API5: variants seen among roughly 807,000 people sequenced by gnomAD.
API5 encodes the protein FIF.
API5 carries 6 observed loss-of-function variants against 71.9 expected under a neutral mutation model. The observed-to-expected ratio is 0.08, with a 90% CI of 0.05 to 0.16. The LOEUF is 0.16. Among genes scored for constraint, API5 ranks in the 10% least tolerant of loss-of-function variants. API5 has a pLI of 1.00. For synonymous variants in API5, 189 were observed against 221.3 expected (o/e 0.85, Z 1.30); for missense variants, 332 against 612.8 (o/e 0.54, Z 4.84).
chr11:43,342,180 C>CTTTG (rs1855640065), intron 13 of API5, among the ~76,000 whole-genome samples: 1 of 152,152 alleles, frequency 6.6e-6, no homozygotes, highest in South Asian at 2.1e-4. Flanking sequence ...CTTGAAACAA[C>CTTTG]TTTGTTACTG....
intron 11 of API5, among the ~76,000 whole-genome samples, chr11:43,332,316 G>A (rs1052271403): frequency 2.0e-5 from 3 of 152,158 alleles, no homozygotes; most frequent in African/African-American, 7.2e-5. Context: ...CCTAGAGGTA[G>A]CATCAGATTC....
At chr11:43,331,587 G>A (rs1855258986) in intron 11 of API5, among the ~76,000 whole-genome samples, 1 of 152,122 alleles carries the variant, frequency 6.6e-6, no homozygotes, top group Admixed American at 6.6e-5. Context: ...AAAGAGGAGG[G>A]GTTGGTCTTG....
intron 7 of API5, 98 bp from the exon 8 acceptor site, chr11:43,327,689 CAT>C: frequency 1.2e-6 from 1 of 817,914 alleles, no homozygotes; most frequent in South Asian, 2.0e-5. Context: ...TCTGTGAAAA[CAT>C]AATTGAAAAT....
intron 11 of API5, among the ~76,000 whole-genome samples, chr11:43,332,972 TAA>T (rs1296080771): frequency 6.6e-6 from 1 of 152,180 alleles, no homozygotes. Context: ...TTCTTAAAAA[TAA>T]AAGATTGTCT....
Position 43,323,482 on chromosome 11 carries a change from C to A in API5, c.596C>A (p.Ser199Tyr). 6.2e-7 allele frequency: 1 copy of A among 1,614,096 alleles called. No individual in the cohort carries two copies. The highest frequency in any genetic ancestry group is 8.5e-7 in the Non-Finnish European group (1 of 1,179,988). Residue 199 changes from serine to tyrosine, a missense_variant, in exon 6 of 14, where the codon TCT becomes TAT. Around this residue, in one of 3 missense-constraint regions of API5, gnomAD observed 127 missense variants for 237.6 expected, o/e 0.53. Transcript: ENST00000531273. Reference protein sequence around the residue: ...EEFVLFMKILSGLKSLQTVSG... With the variant: ...EEFVLFMKILYGLKSLQTVSG... ...TTTGTTCTATTTATGAAGATACTGT[C>A]TGGGTTAAAAAGCTTACAGACAGTG... is the stretch of plus-strand genomic sequence containing the variant.
At chr11:43,330,371 G>T in intron 10 of API5, 137 bp from the exon 11 acceptor site, 2 of 740,316 alleles carry the variant, frequency 2.7e-6, no homozygotes, top group African/African-American at 1.8e-5. Context: ...ATTATCTATA[G>T]ATTTAAACCA....
At chr11:43,328,154 ATAAGCATTAGGTCC>A (rs1174044950) in intron 8 of API5, among the ~76,000 whole-genome samples, 1 of 152,208 alleles carries the variant, frequency 6.6e-6, no homozygotes, top group Non-Finnish European at 1.5e-5. Flanking sequence ...TAACACAGTG[ATAAGCATTAGGTCC>A]TTAGCATGAA....
intron 3 of API5, 65 bp downstream of exon 3, chr11:43,320,979 T>A: frequency 7.2e-7 from 1 of 1,387,084 alleles, no homozygotes; most frequent in South Asian, 1.2e-5. Flanking sequence ...GTTGACTCTG[T>A]TTTTAGGTTT....
intron 7 of API5, 113 bp downstream of exon 7, chr11:43,326,724 G>A: frequency 1.6e-6 from 1 of 635,206 alleles, no homozygotes; most frequent in Non-Finnish European, 2.8e-6. Context: ...GTCTGGTAAT[G>A]GCCAGCCAGT....
At chr11:43,331,160 T>C (rs1855240346) in intron 11 of API5, 1 of 152,748 alleles carries the variant, frequency 6.5e-6, no homozygotes, top group African/African-American at 2.4e-5. Flanking sequence ...TTAAAGCTAA[T>C]GTAAAAATGA....
At chr11:43,333,987 T>G (rs1317265725) in intron 11 of API5, among the ~76,000 whole-genome samples, 2 of 152,232 alleles carry the variant, frequency 1.3e-5, no homozygotes, top group African/African-American at 2.4e-5. Context: ...TTTTAGAATT[T>G]TATGCAGTTT....
intron 1 of API5, among the ~76,000 whole-genome samples, chr11:43,314,743 T>C (rs1322618039): frequency 3.3e-5 from 5 of 152,240 alleles, no homozygotes; most frequent in African/African-American, 7.2e-5. Context: ...ATATTGTGAA[T>C]TGTAGGAAAA....
rs753532024 is a variant in API5 at position 43,326,495 on chromosome 11, G to A, written c.751-12G>A. ...GTTTTTCGACAATGCATTTTCTTTGGATTTCTTACAGAAAAATGTCCATTC... is the reference window on the plus strand; with the variant it reads ...GTTTTTCGACAATGCATTTTCTTTGAATTTCTTACAGAAAAATGTCCATTC... On this transcript the variant is annotated splice_polypyrimidine_tract_variant and intron_variant, in intron 6 of 13. Coordinates refer to ENST00000531273, the MANE Select transcript of API5 (RefSeq NM_001142930.2). 6.4e-7 allele frequency: 1 copy of A among 1,553,074 alleles called. No homozygotes were observed. Among genetic ancestry groups the A allele is most frequent in the South Asian group, 1.2e-5 (1 of 86,646 alleles).
At chr11:43,323,717 C>T in intron 6 of API5, 81 bp downstream of exon 6, 1 of 1,340,046 alleles carries the variant, frequency 7.5e-7, no homozygotes, top group Non-Finnish European at 1.0e-6. Flanking sequence ...CCCCTTAAAC[C>T]TTTCCAGTAG....
Position 43,322,604 on chromosome 11 carries a change from C to T in API5, c.543+468C>T, listed in dbSNP as rs566915210. ...TCCCAGCATCTAGCATAGTTGTAGACGCTAAGATTGGCAAGGTGCGTCACA... is the reference window on the plus strand; with the variant it reads ...TCCCAGCATCTAGCATAGTTGTAGATGCTAAGATTGGCAAGGTGCGTCACA... On this transcript the variant is annotated intron_variant, in intron 5 of 13. Transcript: ENST00000531273. Among the ~76,000 whole-genome samples, 4 of 152,292 alleles carry T rather than the reference C, an allele frequency of 2.6e-5. No individual in the cohort carries two copies. In the South Asian group the frequency reaches 6.2e-4, roughly 24 times the overall value.
chr11:43,322,202 ATTCGT>A, intron 5 of API5, 66 bp downstream of exon 5: 1 of 1,436,446 alleles, frequency 7.0e-7, no homozygotes, highest in Non-Finnish European at 9.4e-7. Flanking sequence ...CATTGGCAGT[ATTCGT>A]CAATGTTATG....
chr11:43,323,587 G>A lies in API5; in HGVS notation c.701G>A (p.Cys234Tyr), dbSNP rs766370031. 17 of 1,614,078 alleles carry A rather than the reference G, an allele frequency of 1.1e-5. No individual in the cohort carries two copies. Among genetic ancestry groups the A allele is most frequent in the Non-Finnish European group, 1.4e-5 (16 of 1,179,972 alleles). ...ACCTTCAATCCCTCGGATCCTGACT[G>A]TGTGGACAGGCTCTTACAGTGCACT... is the stretch of plus-strand genomic sequence containing the variant. ...EQTFNPSDPDCVDRLLQCTRQ... is the reference protein window; with the variant it reads ...EQTFNPSDPDYVDRLLQCTRQ... Residue 234 changes from cysteine (C) to tyrosine (Y), a missense_variant, in exon 6 of 14, where the codon TGT (cysteine) becomes TAT (tyrosine). By Grantham distance (194) the Cys-to-Tyr change is radical. Around this residue, in one of 3 missense-constraint regions of API5, gnomAD observed 168 missense variants for 343.9 expected, o/e 0.49. Transcript: ENST00000531273.
At chr11:43,335,756 C>T (rs965331537) in intron 12 of API5, 102 bp from the exon 13 acceptor site, 178 of 1,281,596 alleles carry the variant, frequency 1.4e-4, no homozygotes, top group Non-Finnish European at 1.8e-4. Flanking sequence ...AGATTATCCT[C>T]TTTAGGATGT....
Position 43,343,752 on chromosome 11 carries a change from C to A in API5, c.*1242C>A, listed in dbSNP as rs1590280602. The A allele has an allele frequency of 6.6e-6, 1 of 152,558 alleles. No individual in the cohort carries two copies. The highest frequency in any genetic ancestry group is 2.4e-5 in the African/African-American group (1 of 41,420). 9.5% of individuals were successfully genotyped at this position (152,558 alleles called of 1,614,324 possible). A position where few individuals can be genotyped will look rare whatever the true frequency, so the allele number is the denominator to read the frequency against. On this transcript the variant is annotated 3_prime_UTR_variant, in exon 14 of 14. Transcript: ENST00000531273. ...TCATGGGCATTTTTAGTAGGATAGA[C>A]CCTTTGTTCTGCATTTGAATGTTTC...
Sources: allele counts gnomAD v4.1 joint callset (sites outside exome capture counted in the v4.1 genomes callset), GRCh38; gene constraint gnomAD v4.1.1; regional missense constraint gnomAD v4.1.1; transcripts MANE v1.5; gene names NCBI Gene and HGNC (gene_info 2026-07-23, HGNC 2026-07-21).